The following HS3ST4 variants were observed in gnomAD, a reference collection of about 807,000 sequenced individuals.
HS3ST4 encodes heparan sulfate glucosamine 3-O-sulfotransferase 4.
A neutral mutation model predicts 29.2 loss-of-function variants in HS3ST4; 17 were observed. The observed-to-expected ratio is 0.58, with a 90% confidence interval of 0.40 to 0.87. The LOEUF is 0.87. HS3ST4 is among the 40% of genes least tolerant of loss of function. The pLI, the probability that HS3ST4 is intolerant of heterozygous loss-of-function variation, is 0.00. For missense variants in HS3ST4, 627 were observed against 634.5 expected (o/e 0.99, Z 0.13); for synonymous variants, 314 against 285.7 (o/e 1.10, Z -1.00).
At chr16:25,770,102 T>G (rs952576926) in intron 1 of HS3ST4, among the ~76,000 whole-genome samples, 7 of 152,168 alleles carry the variant, frequency 4.6e-5, no homozygotes, top group Non-Finnish European at 8.8e-5. Flanking sequence ...GTGCTTAAAA[T>G]TGCAACAGAA....
At chr16:25,743,028 C>T (rs890115073) in intron 1 of HS3ST4, among the ~76,000 whole-genome samples, 2 of 152,218 alleles carry the variant, frequency 1.3e-5, no homozygotes, top group African/African-American at 4.8e-5. Context: ...AGCCCCTGGT[C>T]ATTGAAGATA....
In HS3ST4 at chr16:26,130,146, C is replaced by T. The variant is rs188391497; in HGVS notation, c.735-5466C>T. ...TCATAAACATTTGGGGCTGTGAGAG[C>T]AGATGTGTGATCTTGCGGAATGATT... On this transcript the variant is annotated intron_variant, in intron 1 of 1. Coordinates refer to ENST00000331351, the MANE Select transcript of HS3ST4 (RefSeq NM_006040.3). Among the ~76,000 whole-genome samples, 476 of 152,262 alleles carry T rather than the reference C, an allele frequency of 3.1e-3. 6 individuals are homozygous for T. The highest frequency in any genetic ancestry group is 0.011 in the African/African-American group (444 of 41,552).
intron 1 of HS3ST4, among the ~76,000 whole-genome samples, chr16:25,808,362 C>T (rs189438062): frequency 1.0e-3 from 155 of 152,252 alleles, no homozygotes; most frequent in Non-Finnish European, 1.5e-3. Context: ...GTCTAATTGC[C>T]CAAACATGAT....
chr16:25,693,228 T>G, intron 1 of HS3ST4, 77 bp downstream of exon 1: 1 of 1,427,268 alleles, frequency 7.0e-7, no homozygotes, highest in Non-Finnish European at 9.3e-7. Flanking sequence ...TTCCACGCCC[T>G]TCGAGCATCC....
chr16:25,719,783 C>T (rs996408585), intron 1 of HS3ST4, among the ~76,000 whole-genome samples: 2 of 152,218 alleles, frequency 1.3e-5, no homozygotes, highest in Non-Finnish European at 2.9e-5. Context: ...ATTTGCTCTA[C>T]ATCCTCCTGC....
At chr16:25,818,387 C>G (rs1425722696) in intron 1 of HS3ST4, among the ~76,000 whole-genome samples, 1 of 152,158 alleles carries the variant, frequency 6.6e-6, no homozygotes, top group Non-Finnish European at 1.5e-5. Context: ...CCTTGCTAGA[C>G]ACTGAATCCA....
intron 1 of HS3ST4, among the ~76,000 whole-genome samples, chr16:25,774,425 G>A (rs1966845657): frequency 6.6e-6 from 1 of 152,202 alleles, no homozygotes; most frequent in Non-Finnish European, 1.5e-5. Context: ...CTCAAGGGCT[G>A]GAGCAACTAA....
chr16:25,939,403 T>A (rs1968551793), intron 1 of HS3ST4, among the ~76,000 whole-genome samples: 1 of 151,610 alleles, frequency 6.6e-6, no homozygotes, highest in Non-Finnish European at 1.5e-5. Context: ...AATGGCATGA[T>A]CTTGGGTCAC....
chr16:26,057,648 G>A (rs1011483710), intron 1 of HS3ST4, among the ~76,000 whole-genome samples: 1 of 152,196 alleles, frequency 6.6e-6, no homozygotes, highest in Non-Finnish European at 1.5e-5. Flanking sequence ...AGCTACTCAG[G>A]CAGGAGAATT....
intron 1 of HS3ST4, among the ~76,000 whole-genome samples, chr16:25,854,419 G>A (rs1486663561): frequency 6.6e-6 from 1 of 152,156 alleles, no homozygotes; most frequent in Non-Finnish European, 1.5e-5. Flanking sequence ...AGGATGACCC[G>A]AGGTCACTTT....
intron 1 of HS3ST4, among the ~76,000 whole-genome samples, chr16:25,746,846 C>G (rs1211650084): frequency 6.6e-6 from 1 of 151,978 alleles, no homozygotes; most frequent in Admixed American, 6.6e-5. Context: ...CCACTGCGCC[C>G]AGCCCACAAT....
Position 26,069,561 on chromosome 16 carries a change from T to TA in HS3ST4, c.735-66051_735-66050insA, listed in dbSNP as rs112346347. Among the ~76,000 whole-genome samples the TA allele has an allele frequency of 7.4e-3, 1,077 of 145,562 alleles. 8 individuals are homozygous for TA. The highest frequency in any genetic ancestry group is 0.025 in the African/African-American group (935 of 36,868). ...TAGTAAATTCTTTTATATATATATA[T>TA]TTTTTTTTATTATACTTTAAGTTCT... On this transcript the variant is annotated intron_variant, in intron 1 of 1. Transcript: ENST00000331351.
intron 1 of HS3ST4, among the ~76,000 whole-genome samples, chr16:25,818,979 G>A (rs1967121756): frequency 6.6e-6 from 1 of 152,120 alleles, no homozygotes; most frequent in African/African-American, 2.4e-5. Context: ...CATATAAACT[G>A]GGGTTCCATG....
At chr16:25,754,766 C>T (rs1231240851) in intron 1 of HS3ST4, among the ~76,000 whole-genome samples, 1 of 152,090 alleles carries the variant, frequency 6.6e-6, no homozygotes, top group African/African-American at 2.4e-5. Flanking sequence ...TTATCTCCAC[C>T]TGGTCCCTCC....
intron 1 of HS3ST4, among the ~76,000 whole-genome samples, chr16:25,766,530 T>G (rs1966820077): frequency 6.6e-6 from 1 of 152,236 alleles, no homozygotes; most frequent in African/African-American, 2.4e-5. Context: ...CACTCACTGT[T>G]TGACTTTATT....
At chr16:25,828,543 G>A (rs1423002121) in intron 1 of HS3ST4, among the ~76,000 whole-genome samples, 1 of 151,766 alleles carries the variant, frequency 6.6e-6, no homozygotes, top group Non-Finnish European at 1.5e-5. Context: ...GTTTCATCTT[G>A]TTGGCCAGGC....
In HS3ST4 at chr16:26,069,375, A is replaced by G. The variant is rs1374903829; in HGVS notation, c.735-66237A>G. ...TGAACAGAAGGTGGTGGAAGTGATC[A>G]CTTACCAGTTCTGAACCCAGGCACC... On this transcript the variant is annotated intron_variant, in intron 1 of 1. Coordinates refer to ENST00000331351, the MANE Select transcript of HS3ST4 (RefSeq NM_006040.3). 4.6e-5 allele frequency among the ~76,000 whole-genome samples: 7 copies of G among 152,262 alleles called. No individual in the cohort carries two copies. The South Asian group carries it at 1.5e-3, about 32-fold the overall frequency.
chr16:26,114,215 A>G (rs776088471), intron 1 of HS3ST4, among the ~76,000 whole-genome samples: 4 of 152,318 alleles, frequency 2.6e-5, no homozygotes, highest in Non-Finnish European at 5.9e-5. Context: ...TGAGGAACTG[A>G]AACCCAGGGA....
chr16:25,936,832 G>A (rs1448613125), intron 1 of HS3ST4, among the ~76,000 whole-genome samples: 1 of 152,226 alleles, frequency 6.6e-6, no homozygotes, highest in Non-Finnish European at 1.5e-5. Context: ...GGAAATATAG[G>A]AACTGCTTTT....
Sources: allele counts gnomAD v4.1 joint callset (sites outside exome capture counted in the v4.1 genomes callset), GRCh38; gene constraint gnomAD v4.1.1; transcripts MANE v1.5; gene names NCBI Gene and HGNC (gene_info 2026-07-23, HGNC 2026-07-21).